Variants in LUZP1 observed in about 807,000 individuals in gnomAD.
LUZP1 encodes the protein filamin mechanobinding actin cross-linking protein.
A neutral mutation model predicts 71.3 loss-of-function variants in LUZP1; 25 were observed. The ratio of observed to expected loss-of-function variants is 0.35; its 90% confidence interval spans 0.26 to 0.49. The LOEUF is 0.49. LUZP1 is among the 20% of genes least tolerant of loss of function. The probability of loss-of-function intolerance (pLI) is 0.99; values close to 1 mark genes in which losing one functional copy is unlikely to be tolerated. For synonymous variants in LUZP1, 481 were observed against 506.4 expected (o/e 0.95, Z 0.67); for missense variants, 1,142 against 1,300.8 (o/e 0.88, Z 1.88).
intron 1 of LUZP1, among the ~76,000 whole-genome samples, chr1:23,175,494 CA>C (rs1220434156): frequency 6.6e-6 from 1 of 152,180 alleles, no homozygotes; most frequent in Non-Finnish European, 1.5e-5. Flanking sequence ...GTTCATCCCC[CA>C]TTAGCGCAAT....
Position 23,093,529 on chromosome 1 carries a change from C to T in LUZP1, c.733G>A (p.Gly245Ser), listed in dbSNP as rs757435824. 3.1e-6 allele frequency: 5 copies of T among 1,613,694 alleles called. No individual in the cohort carries two copies. The South Asian group carries it at 5.5e-5, about 18-fold the overall frequency. The change falls in exon 4 of 5, where the codon GGC becomes AGC. Residue 245 changes from glycine (G) to serine (S), a missense_variant. Transcript: ENST00000302291. This position sits in a 1 kb window ranked among gnomAD's most constrained non-coding sequence, Gnocchi z 4.2. ...TTGGACGGCAGTGTGGAAGAGATGCCATCCTCAATCCGTAGGTCATTTCTT... is the reference window on the plus strand; with the variant it reads ...TTGGACGGCAGTGTGGAAGAGATGCTATCCTCAATCCGTAGGTCATTTCTT...
chr1:23,157,671 A>T (rs913921364), intron 2 of LUZP1, among the ~76,000 whole-genome samples: 1 of 152,062 alleles, frequency 6.6e-6, no homozygotes, highest in African/African-American at 2.4e-5. Flanking sequence ...GGTGCCTGTA[A>T]TCCCAGATAC....
intron 2 of LUZP1, among the ~76,000 whole-genome samples, chr1:23,128,121 C>T (rs1474804043): frequency 6.6e-6 from 1 of 151,814 alleles, no homozygotes; most frequent in African/African-American, 2.4e-5. Flanking sequence ...CAGAGCGAGA[C>T]TCTGTCCCAA....
At chr1:23,157,510 G>A (rs541401546) in intron 2 of LUZP1, among the ~76,000 whole-genome samples, 10 of 151,882 alleles carry the variant, frequency 6.6e-5, no homozygotes, top group African/African-American at 9.7e-5. Flanking sequence ...GACCTGTCTC[G>A]CCAGGCACGG....
chr1:23,151,910 G>A (rs531760050), intron 2 of LUZP1, among the ~76,000 whole-genome samples: 1 of 151,480 alleles, frequency 6.6e-6, no homozygotes, highest in South Asian at 2.1e-4. Context: ...GCTGAGGCAG[G>A]AGAATCGCTT....
chr1:23,128,535 T>C (rs1044959407), intron 2 of LUZP1, among the ~76,000 whole-genome samples: 2 of 152,232 alleles, frequency 1.3e-5, no homozygotes, highest in Admixed American at 6.5e-5. Context: ...TAAAAGCCTC[T>C]AAGGCCAGCA....
chr1:23,107,395 T>C (rs566847482), intron 3 of LUZP1, among the ~76,000 whole-genome samples: 10 of 152,378 alleles, frequency 6.6e-5, no homozygotes, highest in South Asian at 2.1e-4. Context: ...GGACTTTTTC[T>C]ATTTTGTTTA....
At chr1:23,144,027 A>G (rs758355931) in intron 2 of LUZP1, among the ~76,000 whole-genome samples, 4 of 152,206 alleles carry the variant, frequency 2.6e-5, no homozygotes, top group Non-Finnish European at 5.9e-5. Flanking sequence ...CTGCATTTCC[A>G]GTAACTAATA....
intron 2 of LUZP1, among the ~76,000 whole-genome samples, chr1:23,117,184 T>C (rs1569599364): frequency 6.6e-6 from 1 of 152,126 alleles, no homozygotes; most frequent in African/African-American, 2.4e-5. Context: ...CCTGGCAACA[T>C]GCTATAAGGG....
chr1:23,091,981 C>T, exon 4 of LUZP1: 1 of 1,614,148 alleles, frequency 6.2e-7, no homozygotes, highest in Non-Finnish European at 8.5e-7. Context: ...TCCTTATCAA[C>T]AATAACAGGT....
At position 23,089,001 on chromosome 1, in the gene LUZP1, G is replaced by C. The variant is rs375176842; in HGVS notation, c.3125C>G (p.Ser1042Cys). The C allele has an allele frequency of 1.9e-6, 3 of 1,614,062 alleles. No homozygotes were observed. Among genetic ancestry groups the C allele is most frequent in the Admixed American group, 1.7e-5 (1 of 60,006 alleles). The change falls in exon 5 of 5, where the codon TCC becomes TGC. Residue 1042 changes from serine (S) to cysteine (C), a missense_variant. Physicochemically the swap from Ser to Cys is moderately radical, Grantham distance 112. Coordinates refer to ENST00000302291, the Ensembl canonical transcript of LUZP1. ...CCCAGGCAGTTCAGACGGATCCAGG[G>C]AGTTGTGCAGTTGCCTGTAGACACT...
exon 4 of LUZP1, chr1:23,091,849 T>C (rs1439747048): frequency 6.2e-7 from 1 of 1,614,176 alleles, no homozygotes; most frequent in Admixed American, 1.7e-5. Flanking sequence ...GCTCTGGGGC[T>C]GCTGCTGTCA....
intron 2 of LUZP1, among the ~76,000 whole-genome samples, chr1:23,114,553 T>TCA (rs1644062499): frequency 6.6e-6 from 1 of 152,190 alleles, no homozygotes; most frequent in South Asian, 2.1e-4. Context: ...TCAAGTCACT[T>TCA]CATGTTGGAG....
chr1:23,143,411 C>CA (rs1412660692), intron 2 of LUZP1, among the ~76,000 whole-genome samples: 1 of 152,108 alleles, frequency 6.6e-6, no homozygotes, highest in Non-Finnish European at 1.5e-5. Flanking sequence ...AAATAGTGGG[C>CA]AAAATACAAC....
chr1:23,139,020 ATATAT>A (rs1211462129), intron 2 of LUZP1, among the ~76,000 whole-genome samples: 837 of 50,432 alleles, frequency 0.017, 40 homozygotes, highest in African/African-American at 0.047. Flanking sequence ...AAAAAAAAAA[ATATAT>A]ATATATATAT....
At chr1:23,115,354 A>G (rs1644069366) in intron 2 of LUZP1, among the ~76,000 whole-genome samples, 1 of 152,222 alleles carries the variant, frequency 6.6e-6, no homozygotes, top group African/African-American at 2.4e-5. Flanking sequence ...TCCCATCTCT[A>G]TGTGTCAGGT....
At chr1:23,177,591 G>A (rs6426787) in exon 1 of LUZP1, 22,137 of 152,560 alleles carry the variant, frequency 0.15, 1,983 homozygotes, top group South Asian at 0.32. Flanking sequence ...CGTGACGGGT[G>A]GGGCGCTGGC....
At chr1:23,156,596 T>C (rs973782567) in intron 2 of LUZP1, among the ~76,000 whole-genome samples, 2 of 152,182 alleles carry the variant, frequency 1.3e-5, no homozygotes, top group African/African-American at 2.4e-5. Context: ...ATTAAGAGAA[T>C]TCCAATTTAA....
At chr1:23,161,362 A>G (rs948904136) in intron 2 of LUZP1, among the ~76,000 whole-genome samples, 3 of 152,238 alleles carry the variant, frequency 2.0e-5, no homozygotes, top group Admixed American at 1.3e-4. Flanking sequence ...ATATTTATAC[A>G]TAAGCTCAGG....
Sources: gnomAD v4.1 joint callset for allele counts (sites outside exome capture counted in the v4.1 genomes callset) on GRCh38, gnomAD v4.1.1 for gene constraint, Gnocchi (gnomAD v3.1) non-coding constraint, MANE v1.5 for transcripts, NCBI Gene and HGNC (gene_info 2026-07-23, HGNC 2026-07-21) for gene names.